TTLL6: variants seen among roughly 807,000 people sequenced by gnomAD.
The protein encoded by TTLL6 is tubulin tyrosine ligase like 6, also known as tubulin polyglutamylase TTLL6.
In TTLL6, 75 loss-of-function variants were observed where a neutral mutation model predicts 96.4. That is an observed-to-expected ratio of 0.78 (90% confidence interval 0.65 to 0.94). The LOEUF is 0.94. TTLL6 is among the 40% of genes least tolerant of loss of function. The pLI is 0.00. For synonymous variants in TTLL6, 411 were observed against 419.4 expected, an observed-to-expected ratio of 0.98 and a Z score of 0.24; for missense variants, 1,030 against 1,093.0, an observed-to-expected ratio of 0.94 and a Z score of 0.81.
intron 3 of TTLL6, 27 bp from the exon 4 acceptor site, chr17:48,801,670 C>T (rs1296249936): frequency 2.0e-6 from 3 of 1,529,222 alleles, no homozygotes; most frequent in South Asian, 1.2e-5. Flanking sequence ...GGCCTATTAG[C>T]CCAGGAAGTG....
Position 48,816,982 on chromosome 17 carries a change from C to T in TTLL6, c.91G>A (p.Val31Ile). The stretch of plus-strand genomic sequence containing the variant: ...GGGGCGCTCTTACCCGCAATTCCTA[C>T]TCCCCCGTCTCGCCCCGCTGGGCTG... ...TSSPAGRDGG[V>I]GIAGAWYFPR... is the part of the protein sequence containing the mutation. Residue 31 changes from valine (V) to isoleucine (I), a missense_variant, in exon 1 of 16, where the codon GTA (valine) becomes ATA (isoleucine). By Grantham distance (29) the Val-to-Ile change is conservative. Transcript: ENST00000393382. The T allele has an allele frequency of 1.3e-6, 2 of 1,535,640 alleles. No individual in the cohort carries two copies. Among genetic ancestry groups the T allele is most frequent in the Non-Finnish European group, 1.7e-6 (2 of 1,142,892 alleles).
chr17:48,801,793 A>G, intron 3 of TTLL6, 150 bp from the exon 4 acceptor site: 1 of 622,698 alleles, frequency 1.6e-6, no homozygotes, highest in Non-Finnish European at 2.8e-6. Context: ...CTCTGGATGC[A>G]AGAATGGAGA....
intron 13 of TTLL6, among the ~76,000 whole-genome samples, chr17:48,779,012 G>A (rs997270648): frequency 9.9e-5 from 15 of 151,838 alleles, no homozygotes; most frequent in African/African-American, 3.6e-4. Flanking sequence ...TGAAAGGGAG[G>A]ATCCCTTGAG....
chr17:48,798,799 C>A lies in TTLL6; in HGVS notation c.768+805G>T, dbSNP rs1187694042. Among the ~76,000 whole-genome samples, 3 of 149,562 alleles carry A rather than the reference C, an allele frequency of 2.0e-5. No individual in the cohort carries two copies. In the East Asian group the frequency reaches 5.9e-4, roughly 29 times the overall value. ...ATGGACATATTGTCACCATTCGGGA[C>A]TACATATTGTTGCAGTTCTTTTTTT... is the stretch of plus-strand genomic sequence containing the variant. On this transcript the variant is annotated intron_variant, in intron 6 of 15. Coordinates refer to ENST00000393382, the MANE Select transcript of TTLL6 (RefSeq NM_001130918.3).
Position 48,769,012 on chromosome 17 carries a change from G to A in TTLL6, c.2653C>T (p.Gln885Ter). The change falls in exon 15 of 16, where the codon CAA becomes TAA. Residue 885 changes from glutamine to a stop codon, truncating the protein, a stop_gained. Coordinates refer to ENST00000393382, the MANE Select transcript of TTLL6 (RefSeq NM_001130918.3). LOFTEE classifies it high-confidence loss of function. ...ACCTAGCTCCTCTCACATCCTTTTT[G>A]GCCAGAGATCAGGCAATGGCTGTAT... is the stretch of plus-strand genomic sequence containing the variant. ...EAYSHCLISGQKGCERS is the reference protein window; with the variant it reads ...EAYSHCLISG 6.2e-7 allele frequency: 1 copy of A among 1,613,636 alleles called. No individual in the cohort carries two copies. Among genetic ancestry groups the A allele is most frequent in the Non-Finnish European group, 8.5e-7 (1 of 1,179,868 alleles).
chr17:48,812,705 G>C (rs2039613535), intron 1 of TTLL6, among the ~76,000 whole-genome samples: 1 of 152,194 alleles, frequency 6.6e-6, no homozygotes, highest in African/African-American at 2.4e-5. Context: ...TCAGCTCCTA[G>C]CAGTGTCTAG....
Position 48,780,041 on chromosome 17 carries a change from G to T in TTLL6, c.2040+4882C>A, listed in dbSNP as rs865848816. On this transcript the variant is annotated intron_variant, in intron 13 of 15. Transcript: ENST00000393382. ...GTACATTTATTTGCCAAAATTGTAC[G>T]GTGAAGATTTGAGTAAATTTAATCT... Among the ~76,000 whole-genome samples the T allele has an allele frequency of 2.0e-5, 3 of 151,816 alleles. No individual in the cohort carries two copies. The East Asian group carries it at 5.8e-4, about 29-fold the overall frequency.
At chr17:48,783,055 C>T (rs1473540811) in intron 13 of TTLL6, among the ~76,000 whole-genome samples, 2 of 152,074 alleles carry the variant, frequency 1.3e-5, no homozygotes, top group Non-Finnish European at 2.9e-5. Flanking sequence ...CAGAATAGCA[C>T]AGAATAGAAA....
chr17:48,808,370 A>ATGTG (rs1408353178), intron 1 of TTLL6, among the ~76,000 whole-genome samples: 3 of 137,376 alleles, frequency 2.2e-5, no homozygotes, highest in Admixed American at 1.4e-4. Context: ...CGCTTCTCAT[A>ATGTG]TGTATGTGTG....
At chr17:48,789,883 A>G (rs2039183442) in intron 10 of TTLL6, 48 bp downstream of exon 10, 1 of 1,592,978 alleles carries the variant, frequency 6.3e-7, no homozygotes, top group South Asian at 1.1e-5. Flanking sequence ...TATTGGGAGC[A>G]GGGGAGTCAG....
chr17:48,793,986 T>C (rs1325851624), intron 8 of TTLL6, among the ~76,000 whole-genome samples: 2 of 152,088 alleles, frequency 1.3e-5, no homozygotes, highest in Non-Finnish European at 2.9e-5. Context: ...TGGGAAATGC[T>C]GAGTTGAAGA....
intron 1 of TTLL6, among the ~76,000 whole-genome samples, chr17:48,814,318 CAAAAAA>C (rs398030988): frequency 1.9e-5 from 1 of 52,856 alleles, no homozygotes; most frequent in Admixed American, 2.6e-4. Context: ...GACAGTGTCT[CAAAAAA>C]AAAAAAAAAA....
At chr17:48,795,776 G>T (rs1002397745) in intron 8 of TTLL6, among the ~76,000 whole-genome samples, 1 of 152,174 alleles carries the variant, frequency 6.6e-6, no homozygotes, top group Admixed American at 6.5e-5. Flanking sequence ...TGTAATAAGG[G>T]TATGTTTTGG....
rs1308111139 is a variant in TTLL6, at chr17:48,769,745, C to A, written c.2393G>T (p.Gly798Val). The change falls in exon 14 of 16, where the codon GGG (glycine) becomes GTG (valine). Residue 798 changes from glycine to valine, a missense_variant. Gly to Val is a moderately radical substitution (Grantham distance 109, BLOSUM62 -3). Transcript: ENST00000393382. Reference sequence around the variant, plus strand: ...GCACTCACGTGACAGGTTATTCATCCCCAGCTTGGGGTTGTAGTGAGCTGG... The same window carrying A: ...GCACTCACGTGACAGGTTATTCATCACCAGCTTGGGGTTGTAGTGAGCTGG... ...FFPAHYNPKL[G>V]MNNLSQNPSL... The A allele has an allele frequency of 2.5e-6, 4 of 1,613,802 alleles. No individual in the cohort carries two copies. The East Asian group carries it at 8.9e-5, about 36-fold the overall frequency.
Position 48,797,095 on chromosome 17 carries a change from G to A in TTLL6, c.878C>T (p.Thr293Met), listed in dbSNP as rs2039329878. The change falls in exon 7 of 16, where the codon ACG becomes ATG. Residue 293 changes from threonine to methionine, a missense_variant. By Grantham distance (81) the Thr-to-Met change is moderately conservative. Coordinates refer to ENST00000393382, the MANE Select transcript of TTLL6 (RefSeq NM_001130918.3). ...TGTGCAAGGGCGGGAGTAAGAGGTC[G>A]TCGCAAAGCGGGCCAGTCCTTCATT... ...VYNEGLARFA[T>M]TSYSRPCTDN... 13 of 1,551,432 alleles carry A rather than the reference G, an allele frequency of 8.4e-6. No individual in the cohort carries two copies. Among genetic ancestry groups the A allele is most frequent in the Non-Finnish European group, 1.1e-5 (13 of 1,146,968 alleles).
chr17:48,816,995 C>T lies in TTLL6; in HGVS notation c.78G>A (p.Gly26=). ...CCGCAATTCCTACTCCCCCGTCTCG[C>T]CCCGCTGGGCTGCTAGTCCAGCTTG... The part of the protein sequence containing the change: ...VVASWTSSPA[G]RDGGVGIAGA... The change falls in exon 1 of 16, where the codon GGG becomes GGA. Residue 26 remains glycine, a synonymous_variant. Transcript: ENST00000393382. 6.5e-7 allele frequency: 1 copy of T among 1,540,752 alleles called. No homozygotes were observed.
intron 13 of TTLL6, among the ~76,000 whole-genome samples, chr17:48,773,705 G>C (rs1429203433): frequency 6.6e-6 from 1 of 151,172 alleles, no homozygotes; most frequent in Non-Finnish European, 1.5e-5. Context: ...CTGGGCAACA[G>C]AGTGAGAGCC....
intron 13 of TTLL6, 96 bp from the exon 14 acceptor site, chr17:48,770,193 T>C: frequency 6.8e-7 from 1 of 1,463,506 alleles, no homozygotes; most frequent in Non-Finnish European, 9.0e-7. Flanking sequence ...GACAAGGTCT[T>C]GCTATGCTGC....
At chr17:48,788,314 C>T (rs538959812) in intron 10 of TTLL6, among the ~76,000 whole-genome samples, 1 of 152,352 alleles carries the variant, frequency 6.6e-6, no homozygotes, top group African/African-American at 2.4e-5. Context: ...TCGCCACCTT[C>T]CCATTCACAG....
Sources: gnomAD v4.1 joint callset for allele counts (sites outside exome capture counted in the v4.1 genomes callset) on GRCh38, gnomAD v4.1.1 for gene constraint, MANE v1.5 for transcripts, NCBI Gene and HGNC (gene_info 2026-07-23, HGNC 2026-07-21) for gene names.